ARHGEF10L: variants seen among roughly 807,000 people sequenced by gnomAD.
The protein encoded by ARHGEF10L is Rho guanine nucleotide exchange factor 10 like.
Under a neutral mutation model 141.2 loss-of-function variants are expected in ARHGEF10L, and 69 were observed. The ratio of observed to expected loss-of-function variants is 0.49; its 90% CI spans 0.40 to 0.60. The LOEUF is 0.60. ARHGEF10L is among the 20% of genes least tolerant of loss of function. ARHGEF10L has a pLI of 0.00. For synonymous variants in ARHGEF10L, 711 were observed against 718.5 expected, an observed-to-expected ratio of 0.99 and a Z score of 0.17; for missense variants, 1,482 against 1,734.3, an observed-to-expected ratio of 0.85 and a Z score of 2.58.
At position 17,663,026 on chromosome 1, in the gene ARHGEF10L, AC is replaced by A. The variant is rs565655506; in HGVS notation, c.2861-1415del. Among the ~76,000 whole-genome samples the A allele has an allele frequency of 5.1e-4, 77 of 151,742 alleles. 1 individual carries two copies. The highest frequency in any genetic ancestry group is 5.6e-4 in the Non-Finnish European group (38 of 67,902). On this transcript the variant is annotated intron_variant, in intron 25 of 28. Transcript: ENST00000361221. ...AGGCTGGGACCCAGCTTCCTCTTCA[AC>A]CCCCCTTTCCCACCTGGCACCCTGA... is the stretch of plus-strand genomic sequence containing the variant.
At chr1:17,549,607 C>T (rs1234406475) in intron 1 of ARHGEF10L, among the ~76,000 whole-genome samples, 3 of 152,100 alleles carry the variant, frequency 2.0e-5, no homozygotes, top group African/African-American at 7.2e-5. Flanking sequence ...GTAGGAGCTA[C>T]AGCAAATGCA....
intron 9 of ARHGEF10L, among the ~76,000 whole-genome samples, chr1:17,617,444 G>A (rs139172726): frequency 1.3e-5 from 2 of 152,308 alleles, no homozygotes; most frequent in Non-Finnish European, 2.9e-5. Context: ...GGCCCCTGAT[G>A]TATTCCCAGG....
At chr1:17,591,290 T>A (rs181132275) in intron 4 of ARHGEF10L, among the ~76,000 whole-genome samples, 1 of 152,316 alleles carries the variant, frequency 6.6e-6, no homozygotes, top group Non-Finnish European at 1.5e-5. Flanking sequence ...TTGCCCAGGC[T>A]GGAGTGCAGT....
At chr1:17,692,150 A>G (rs2065152642) in intron 27 of ARHGEF10L, among the ~76,000 whole-genome samples, 1 of 152,098 alleles carries the variant, frequency 6.6e-6, no homozygotes, top group African/African-American at 2.4e-5. Context: ...TCACTTTTGG[A>G]ATGGATTTAG....
At chr1:17,661,229 C>A (rs1001405154) in intron 25 of ARHGEF10L, among the ~76,000 whole-genome samples, 9 of 152,118 alleles carry the variant, frequency 5.9e-5, no homozygotes, top group South Asian at 2.1e-4. Context: ...AGGCGCACAC[C>A]ACCACACCCA....
At chr1:17,655,831 C>A in intron 23 of ARHGEF10L, 48 bp from the exon 24 acceptor site, 1 of 1,518,036 alleles carries the variant, frequency 6.6e-7, no homozygotes, top group Non-Finnish European at 8.9e-7. Context: ...CTCCTCTGCT[C>A]CCTCCTGTGG....
Position 17,655,877 on chromosome 1 carries a change from A to G in ARHGEF10L, c.2482-2A>G. 1 of 1,552,502 alleles carries G rather than the reference A, an allele frequency of 6.4e-7. No individual in the cohort carries two copies. The highest frequency in any genetic ancestry group is 8.7e-7 in the Non-Finnish European group (1 of 1,148,012). On this transcript the variant is annotated splice_acceptor_variant, in intron 23 of 28. Coordinates refer to ENST00000361221, the MANE Select transcript of ARHGEF10L (RefSeq NM_018125.4). LOFTEE classifies it high-confidence loss of function. ...ATGGCCTCTCTGGGTCTCTGCTCCC[A>G]GGTCGGGGGCGGACAGGAAGGCGCA...
At chr1:17,671,953 T>TG (rs1380305173) in intron 26 of ARHGEF10L, among the ~76,000 whole-genome samples, 1 of 152,114 alleles carries the variant, frequency 6.6e-6, no homozygotes, top group Non-Finnish European at 1.5e-5. Flanking sequence ...TTTCCCCAAG[T>TG]GGGGGGTGGG....
the ARHGEF10L span, among the ~76,000 whole-genome samples, chr1:17,533,811 C>T: frequency 6.6e-6 from 1 of 152,174 alleles, no homozygotes; most frequent in Non-Finnish European, 1.5e-5. Flanking sequence ...GACCTAGTCT[C>T]TCTTTGATAC....
At chr1:17,677,312 A>G (rs750719580) in intron 26 of ARHGEF10L, among the ~76,000 whole-genome samples, 8 of 151,984 alleles carry the variant, frequency 5.3e-5, no homozygotes, top group Admixed American at 1.3e-4. Flanking sequence ...TCGTGCACGC[A>G]CAGGCGTTCT....
intron 1 of ARHGEF10L, among the ~76,000 whole-genome samples, chr1:17,577,462 C>T (rs1557729146): frequency 6.6e-6 from 1 of 152,198 alleles, no homozygotes; most frequent in African/African-American, 2.4e-5. Context: ...TATTGGGGAA[C>T]CTGAACTCTT....
chr1:17,696,212 C>CAAAAAAAA, intron 28 of ARHGEF10L, among the ~76,000 whole-genome samples: 1 of 127,146 alleles, frequency 7.9e-6, no homozygotes, highest in Non-Finnish European at 1.6e-5. Flanking sequence ...GACACCATCT[C>CAAAAAAAA]AAAAAAAAAA....
At chr1:17,543,191 G>C (rs1458696956) in intron 1 of ARHGEF10L, among the ~76,000 whole-genome samples, 3 of 152,198 alleles carry the variant, frequency 2.0e-5, no homozygotes, top group African/African-American at 7.2e-5. Flanking sequence ...GCCGGGTCCT[G>C]GGCAGTGGTG....
Position 17,638,705 on chromosome 1 carries a change from C to T in ARHGEF10L, c.2171+16C>T. The T allele has an allele frequency of 6.2e-7, 1 of 1,613,446 alleles. No homozygotes were observed. Among genetic ancestry groups the T allele is most frequent in the South Asian group, 1.1e-5 (1 of 91,054 alleles). ...AACCCGACAAGTGAGAGGAGGGGGT[C>T]TTGGAGGGAGGGCTGCTGCCTCTGC... On this transcript the variant is annotated intron_variant, in intron 20 of 28. Transcript: ENST00000361221.
At position 17,634,733 on chromosome 1, in the gene ARHGEF10L, G is replaced by A. The variant is rs1244081366; in HGVS notation, c.1746-102G>A. The stretch of plus-strand genomic sequence containing the variant: ...GTCTGAGGTCTTGCGCTGGGGCTGC[G>A]TGAAGCCTGGCTGAGCTGGTGTGGA... On this transcript the variant is annotated intron_variant, in intron 17 of 28. Transcript: ENST00000361221. 3.4e-6 allele frequency: 5 copies of A among 1,461,782 alleles called. No homozygotes were observed. The African/African-American group carries it at 4.3e-5, about 12-fold the overall frequency. 90.6% of individuals were successfully genotyped at this position (1,461,782 alleles called of 1,614,324 possible). A position where few individuals can be genotyped will look rare whatever the true frequency, so the allele number is the denominator to read the frequency against.
intron 27 of ARHGEF10L, chr1:17,691,210 G>A: frequency 2.4e-6 from 1 of 422,242 alleles, no homozygotes. Context: ...GAACACTGCC[G>A]CATTAAGTCT....
At chr1:17,655,217 T>C (rs2062152024) in intron 23 of ARHGEF10L, among the ~76,000 whole-genome samples, 1 of 152,206 alleles carries the variant, frequency 6.6e-6, no homozygotes, top group Admixed American at 6.5e-5. Context: ...TCCTCATCAT[T>C]TCCCATGATC....
At chr1:17,690,968 A>C (rs2102555252) in intron 27 of ARHGEF10L, among the ~76,000 whole-genome samples, 1 of 152,376 alleles carries the variant, frequency 6.6e-6, no homozygotes, top group East Asian at 1.9e-4. Context: ...TTGCATAATT[A>C]GTAATAAATT....
In ARHGEF10L at chr1:17,588,530, G is replaced by A. The variant is rs190925482; in HGVS notation, c.257+51G>A. ...TGGCGGTTGGAAACAGGGAGACACC[G>A]GGCAGTGGGTGGGGATGGGGTGGAG... is the stretch of plus-strand genomic sequence containing the variant. On this transcript the variant is annotated intron_variant, in intron 4 of 28. Coordinates refer to ENST00000361221, the MANE Select transcript of ARHGEF10L (RefSeq NM_018125.4). 1.2e-3 allele frequency: 1,880 copies of A among 1,611,364 alleles called. 25 individuals carry two copies. The South Asian group carries it at 0.017, about 15-fold the overall frequency.
Sources: gnomAD v4.1 joint callset for allele counts (sites outside exome capture counted in the v4.1 genomes callset) on GRCh38, gnomAD v4.1.1 for gene constraint, MANE v1.5 for transcripts, NCBI Gene and HGNC (gene_info 2026-07-23, HGNC 2026-07-21) for gene names.